The following LRRK1 variants were observed in gnomAD, a reference collection of about 807,000 sequenced individuals.
The protein encoded by LRRK1 is leucine rich repeat kinase 1, also known as leucine-rich repeat serine/threonine-protein kinase 1.
In LRRK1, 113 loss-of-function variants were observed where a neutral mutation model predicts 209.1. That is an observed-to-expected ratio of 0.54 (90% confidence interval 0.46 to 0.63). The LOEUF (loss-of-function observed/expected upper bound fraction) is 0.63. LRRK1 is among the 30% of genes least tolerant of loss of function. LRRK1 has a pLI of 0.00. For synonymous variants in LRRK1, 1,144 were observed against 1,099.7 expected, an observed-to-expected ratio of 1.04 and a Z score of -0.80; for missense variants, 2,284 against 2,632.2, an observed-to-expected ratio of 0.87 and a Z score of 2.89.
Position 101,075,950 on chromosome 15 carries a change from T to C in LRRK1, c.*7102T>C, listed in dbSNP as rs1244848542. 6.6e-6 allele frequency: 1 copy of C among 152,234 alleles called. No individual in the cohort carries two copies. The highest frequency in any genetic ancestry group is 1.5e-5 in the Non-Finnish European group (1 of 68,098). 9.4% of individuals were successfully genotyped at this position (152,234 alleles called of 1,614,324 possible). ...ATTACATCAGTCAAGCCCAAATTTT[T>C]TCCCTATCTGTTACCTATCTCAGCA... On this transcript the variant is annotated 3_prime_UTR_variant, in exon 34 of 34. Coordinates refer to ENST00000388948, the MANE Select transcript of LRRK1 (RefSeq NM_024652.6).
chr15:101,066,869 C>A, intron 33 of LRRK1, 128 bp downstream of exon 33: 2 of 855,256 alleles, frequency 2.3e-6, no homozygotes, highest in Non-Finnish European at 1.8e-6. Context: ...ACTAACGTGG[C>A]TGTAAGGCAA....
chr15:100,999,279 T>C (rs1392157667), intron 6 of LRRK1, among the ~76,000 whole-genome samples: 1 of 152,250 alleles, frequency 6.6e-6, no homozygotes, highest in African/African-American at 2.4e-5. Context: ...TGCTTTTTGT[T>C]TTAAAAACCT....
At chr15:101,053,198 G>C (rs368083023) in intron 25 of LRRK1, 25 bp from the exon 26 acceptor site, 1 of 1,599,984 alleles carries the variant, frequency 6.3e-7, no homozygotes, top group Admixed American at 1.7e-5. Context: ...TGTCCTACTG[G>C]CTGACACTGC....
At chr15:101,060,688 C>G (rs956255662) in intron 29 of LRRK1, among the ~76,000 whole-genome samples, 2 of 152,244 alleles carry the variant, frequency 1.3e-5, no homozygotes, top group African/African-American at 4.8e-5. Flanking sequence ...ACAGCGATGC[C>G]GGGGACAGCC....
chr15:101,045,802 G>T, intron 20 of LRRK1, among the ~76,000 whole-genome samples, 179 bp from the exon 21 acceptor site: 1 of 152,146 alleles, frequency 6.6e-6, no homozygotes, highest in East Asian at 1.9e-4. Flanking sequence ...TTTATTCTTA[G>T]CATATAAACC....
At position 101,027,227 on chromosome 15, in the gene LRRK1, CATG is replaced by C; in HGVS notation, c.2406-29_2406-27del. ...GCAGCAGCGCTTCCTCGGAGTGGGG[CATG>C]ATGAGTAAAGACGGGTCTTTTTGCT... On this transcript the variant is annotated intron_variant, in intron 17 of 33. Transcript: ENST00000388948. The surrounding 1 kb of genome is among the most constrained non-coding windows in gnomAD (Gnocchi z 5.1). 6.2e-7 allele frequency: 1 copy of C among 1,612,184 alleles called. No individual in the cohort carries two copies. Among genetic ancestry groups the C allele is most frequent in the Non-Finnish European group, 8.5e-7 (1 of 1,178,966 alleles).
At chr15:100,972,917 T>TACACACACACACACAC (rs10629976) in intron 2 of LRRK1, among the ~76,000 whole-genome samples, 9 of 123,826 alleles carry the variant, frequency 7.3e-5, no homozygotes, top group African/African-American at 2.3e-4. Flanking sequence ...CGAAAAACTG[T>TACACACACACACACAC]ACACACACAC....
intron 20 of LRRK1, among the ~76,000 whole-genome samples, chr15:101,036,826 A>G (rs1427808513): frequency 2.0e-5 from 3 of 152,232 alleles, no homozygotes; most frequent in Non-Finnish European, 2.9e-5. Context: ...TTTGGCTTTC[A>G]TTCTATGTAG....
At position 100,970,192 on chromosome 15, in the gene LRRK1, G is replaced by A. The variant is rs142880375; in HGVS notation, c.98-3612G>A. ...GGCATGGGCCACCGCATGAGCCACC[G>A]CACCCAGCCACCACATTTTCTTTAT... On this transcript the variant is annotated intron_variant, in intron 2 of 33. Transcript: ENST00000388948. 8.9e-3 allele frequency among the ~76,000 whole-genome samples: 1,352 copies of A among 152,176 alleles called. 9 individuals carry two copies. The highest frequency in any genetic ancestry group is 0.011 in the African/African-American group (475 of 41,498).
intron 20 of LRRK1, among the ~76,000 whole-genome samples, chr15:101,041,228 C>T (rs899686084): frequency 1.3e-5 from 2 of 152,262 alleles, no homozygotes; most frequent in African/African-American, 4.8e-5. Flanking sequence ...TTTAGTTCTA[C>T]CTGGGTTTTT....
chr15:100,961,093 T>C (rs2029907942), intron 2 of LRRK1, among the ~76,000 whole-genome samples: 1 of 152,226 alleles, frequency 6.6e-6, no homozygotes, highest in Non-Finnish European at 1.5e-5. Context: ...GGGAGGTCTA[T>C]GGCTGAGGGG....
In LRRK1 at chr15:101,053,350, C is replaced by T. The variant is rs781761572; in HGVS notation, c.3984C>T (p.His1328=). 1.9e-6 allele frequency: 3 copies of T among 1,603,052 alleles called. No homozygotes were observed. The highest frequency in any genetic ancestry group is 2.5e-6 in the Non-Finnish European group (3 of 1,179,914). Residue 1328 remains histidine, a synonymous_variant, in exon 26 of 34, where the codon CAC becomes CAT. Coordinates refer to ENST00000388948, the MANE Select transcript of LRRK1 (RefSeq NM_024652.6). ...TGGCGCTCATCGGCATCAGCATCCACCCGCTCTGCTTCGCCCTGGAGCTCG... is the reference window on the plus strand; with the variant it reads ...TGGCGCTCATCGGCATCAGCATCCATCCGCTCTGCTTCGCCCTGGAGCTCG... ...CIVALIGISI[H]PLCFALELAP...
At chr15:101,002,768 C>G (rs990333593) in intron 6 of LRRK1, among the ~76,000 whole-genome samples, 1 of 152,210 alleles carries the variant, frequency 6.6e-6, no homozygotes, top group Non-Finnish European at 1.5e-5. Context: ...GAATCTGGCT[C>G]TGTCACCCAG....
intron 6 of LRRK1, chr15:100,989,655 A>G: frequency 1.7e-6 from 1 of 576,830 alleles, no homozygotes; most frequent in Admixed American, 3.2e-5. Context: ...TAACAAACCC[A>G]CTTCCACAAT....
At chr15:101,066,573 C>T (rs1402519799) in intron 32 of LRRK1, 67 bp from the exon 33 acceptor site, 15 of 1,457,910 alleles carry the variant, frequency 1.0e-5, no homozygotes, top group African/African-American at 6.9e-5. Context: ...TTCTGCACAC[C>T]GGCTTCACTC....
intron 6 of LRRK1, among the ~76,000 whole-genome samples, chr15:101,003,436 AC>A (rs2032797294): frequency 6.6e-6 from 1 of 152,124 alleles, no homozygotes; most frequent in Non-Finnish European, 1.5e-5. Context: ...TTCTCTTTTT[AC>A]ACTGCTGATA....
chr15:101,052,692 C>T (rs1317207219), intron 24 of LRRK1, among the ~76,000 whole-genome samples: 1 of 152,232 alleles, frequency 6.6e-6, no homozygotes, highest in Admixed American at 6.5e-5. Flanking sequence ...CCTCTGAGGC[C>T]GTTCCTGTCC....
intron 2 of LRRK1, among the ~76,000 whole-genome samples, chr15:100,947,842 A>G (rs1300601721): frequency 6.6e-6 from 1 of 152,240 alleles, no homozygotes; most frequent in Non-Finnish European, 1.5e-5. Context: ...CGTATAATCC[A>G]TTTGTTAAAA....
At chr15:101,049,524 C>A in intron 22 of LRRK1, 120 bp from the exon 23 acceptor site, 2 of 1,167,752 alleles carry the variant, frequency 1.7e-6, no homozygotes, top group Non-Finnish European at 2.4e-6. Context: ...ATCGGTCCTG[C>A]AGGGCACAGA....
Sources: allele counts gnomAD v4.1 joint callset (sites outside exome capture counted in the v4.1 genomes callset), GRCh38; gene constraint gnomAD v4.1.1; non-coding constraint Gnocchi (gnomAD v3.1); transcripts MANE v1.5; gene names NCBI Gene and HGNC (gene_info 2026-07-23, HGNC 2026-07-21).